The following ROR2 variants were observed in gnomAD, a reference collection of about 807,000 sequenced individuals.
ROR2 encodes the protein ROR family WNT receptor 2.
Under a neutral mutation model 74.9 loss-of-function variants are expected in ROR2, and 33 were observed. The observed-to-expected ratio is 0.44, with a 90% confidence interval of 0.33 to 0.59. The LOEUF is 0.59. ROR2 is among the 20% of genes least tolerant of loss of function. ROR2 has a pLI of 0.02. For synonymous variants in ROR2, 586 were observed against 558.7 expected (o/e 1.05, Z -0.69); for missense variants, 1,216 against 1,313.8 (o/e 0.93, Z 1.15).
intron 2 of ROR2, among the ~76,000 whole-genome samples, chr9:91,761,818 A>G (rs1398023917): frequency 1.3e-5 from 2 of 152,190 alleles, no homozygotes; most frequent in African/African-American, 2.4e-5. Context: ...TCATCACATC[A>G]CATCCAGACA....
intron 1 of ROR2, among the ~76,000 whole-genome samples, chr9:91,874,226 C>A (rs773461010): frequency 3.9e-5 from 6 of 152,172 alleles, no homozygotes; most frequent in Non-Finnish European, 7.3e-5. Flanking sequence ...AGCAGGATTA[C>A]CCCAGTAAAA....
At chr9:91,928,057 C>T (rs1457693378) in intron 1 of ROR2, among the ~76,000 whole-genome samples, 2 of 152,218 alleles carry the variant, frequency 1.3e-5, no homozygotes, top group East Asian at 3.9e-4. Flanking sequence ...GCAAACCAAC[C>T]ACCCTAGAGC....
intron 1 of ROR2, among the ~76,000 whole-genome samples, chr9:91,909,842 G>GTTTGTTTTT (rs1830913290): frequency 7.1e-5 from 4 of 55,998 alleles, no homozygotes; most frequent in South Asian, 7.9e-4. Context: ...TTTTAGGTTT[G>GTTTGTTTTT]TTTTGTTTTT....
chr9:91,908,064 C>G (rs1295646453), intron 1 of ROR2, among the ~76,000 whole-genome samples: 1 of 151,734 alleles, frequency 6.6e-6, no homozygotes, highest in African/African-American at 2.4e-5. Context: ...AACCCTATGA[C>G]AAAAAGTTGG....
chr9:91,766,409 C>T (rs1165290890), intron 2 of ROR2, among the ~76,000 whole-genome samples: 1 of 152,200 alleles, frequency 6.6e-6, no homozygotes, highest in East Asian at 1.9e-4. Context: ...CATTTCTCCA[C>T]CTCCCTTGCA....
At chr9:91,780,976 GT>G in intron 1 of ROR2, among the ~76,000 whole-genome samples, 1 of 152,190 alleles carries the variant, frequency 6.6e-6, no homozygotes, top group South Asian at 2.1e-4. Context: ...TTTGATTTGC[GT>G]TTCTTTTAAA....
chr9:91,885,062 G>A (rs1830233068), intron 1 of ROR2, among the ~76,000 whole-genome samples: 1 of 152,092 alleles, frequency 6.6e-6, no homozygotes, highest in South Asian at 2.1e-4. Flanking sequence ...CCCACCCCTG[G>A]TAGTTCTCAG....
chr9:91,949,761 G>C (rs1236861432), intron 1 of ROR2, 106 bp downstream of exon 1: 7 of 761,872 alleles, frequency 9.2e-6, no homozygotes, highest in Non-Finnish European at 1.4e-5. Flanking sequence ...CCTCGTTCAG[G>C]AGCATGGGCG....
chr9:91,851,015 T>C (rs1829071581), intron 1 of ROR2, among the ~76,000 whole-genome samples: 1 of 152,142 alleles, frequency 6.6e-6, no homozygotes, highest in South Asian at 2.1e-4. Context: ...CTTCACTATT[T>C]CCCCACTCAT....
chr9:91,835,096 A>C (rs1828572076), intron 1 of ROR2, among the ~76,000 whole-genome samples: 1 of 150,270 alleles, frequency 6.7e-6, no homozygotes, highest in South Asian at 2.1e-4. Flanking sequence ...AGACCCCTGC[A>C]GACACAGCCC....
intron 1 of ROR2, among the ~76,000 whole-genome samples, chr9:91,799,659 T>A (rs145010024): frequency 6.6e-6 from 1 of 152,264 alleles, no homozygotes; most frequent in Non-Finnish European, 1.5e-5. Context: ...AAATACCAAG[T>A]AGGGACAAGG....
intron 2 of ROR2, among the ~76,000 whole-genome samples, chr9:91,762,879 C>T (rs60099576): frequency 0.22 from 34,207 of 152,116 alleles, 4,199 homozygotes; most frequent in Admixed American, 0.32. Context: ...GCTATTGTAA[C>T]ATTTAATGAC....
intron 1 of ROR2, among the ~76,000 whole-genome samples, chr9:91,909,838 G>GTGTTTTTTTTTTTTTTTT (rs1830909884): frequency 1.6e-5 from 1 of 63,198 alleles, no homozygotes; most frequent in African/African-American, 6.5e-5. Flanking sequence ...TTTTTTTTAG[G>GTGTTTTTTTTTTTTTTTT]TTTGTTTTGT....
chr9:91,766,802 T>C (rs1384608214), intron 2 of ROR2, among the ~76,000 whole-genome samples: 2 of 152,214 alleles, frequency 1.3e-5, no homozygotes, highest in African/African-American at 4.8e-5. Flanking sequence ...TTCGGCTCAC[T>C]TGGATTTGGG....
At chr9:91,817,335 T>G (rs1380098603) in intron 1 of ROR2, among the ~76,000 whole-genome samples, 2 of 152,120 alleles carry the variant, frequency 1.3e-5, no homozygotes, top group Admixed American at 1.3e-4. Flanking sequence ...CTTCGTGGGG[T>G]CCAGGGCTCC....
chr9:91,942,289 A>C (rs1379167404), intron 1 of ROR2, among the ~76,000 whole-genome samples: 3 of 152,204 alleles, frequency 2.0e-5, no homozygotes, highest in Non-Finnish European at 4.4e-5. Flanking sequence ...CATCTGCCCA[A>C]ATCTGTGGCA....
chr9:91,731,165 G>C lies in ROR2; in HGVS notation c.938-10C>G. ...TTATAGCACTGATGGTCTGAACAAG[G>C]AAAACACGTTAGGAAAACCTCCGGG... On this transcript the variant is annotated splice_polypyrimidine_tract_variant and intron_variant, in intron 6 of 8. Transcript: ENST00000375708. The C allele has an allele frequency of 2.5e-6, 4 of 1,613,980 alleles. No individual in the cohort carries two copies. The highest frequency in any genetic ancestry group is 3.4e-6 in the Non-Finnish European group (4 of 1,180,024).
At chr9:91,819,023 G>A (rs1828042783) in intron 1 of ROR2, among the ~76,000 whole-genome samples, 2 of 152,178 alleles carry the variant, frequency 1.3e-5, no homozygotes, top group South Asian at 2.1e-4. Flanking sequence ...AGCTCTGTCC[G>A]GTCAGTCCCA....
intron 1 of ROR2, among the ~76,000 whole-genome samples, chr9:91,937,918 A>G (rs984455497): frequency 6.6e-6 from 1 of 152,050 alleles, no homozygotes; most frequent in Admixed American, 6.6e-5. Flanking sequence ...GGGTCTTGCT[A>G]TGTTGCCCAG....
Sources: allele counts gnomAD v4.1 joint callset (sites outside exome capture counted in the v4.1 genomes callset), GRCh38; gene constraint gnomAD v4.1.1; transcripts MANE v1.5; gene names NCBI Gene and HGNC (gene_info 2026-07-23, HGNC 2026-07-21).